The following FBXO11 variants were observed in gnomAD, a reference collection of about 807,000 sequenced individuals.
FBXO11 encodes F-box protein 11.
In FBXO11, 13 loss-of-function variants were observed where a neutral mutation model predicts 117.0. The observed-to-expected ratio is 0.11, with a 90% confidence interval of 0.07 to 0.18. The LOEUF is 0.18. FBXO11 is among the 10% of genes least tolerant of loss of function. The pLI, the probability that FBXO11 is intolerant of heterozygous loss-of-function variation, is 1.00. For synonymous variants in FBXO11, 490 were observed against 380.5 expected (o/e 1.29, Z -3.35); for missense variants, 767 against 1,164.4 (o/e 0.66, Z 4.97).
chr2:47,873,656 C>T (rs529734358), intron 1 of FBXO11, among the ~76,000 whole-genome samples: 3 of 152,336 alleles, frequency 2.0e-5, no homozygotes, highest in Admixed American at 6.5e-5. Context: ...TACCTGCCGG[C>T]TGTTTCAACT....
At chr2:47,839,081 T>C (rs1672819544) in intron 3 of FBXO11, 78 bp from the exon 4 acceptor site, 1 of 1,448,998 alleles carries the variant, frequency 6.9e-7, no homozygotes, top group African/African-American at 1.4e-5. Flanking sequence ...TTTCATTTTA[T>C]CTAATGAATA....
At chr2:47,861,102 G>A (rs1487687867) in intron 1 of FBXO11, among the ~76,000 whole-genome samples, 12 of 152,016 alleles carry the variant, frequency 7.9e-5, no homozygotes, top group Middle Eastern at 3.4e-3. Flanking sequence ...CACCCGCCAC[G>A]GCCTCCCAAA....
At chr2:47,876,106 G>C (rs985981138) in intron 1 of FBXO11, among the ~76,000 whole-genome samples, 1 of 152,190 alleles carries the variant, frequency 6.6e-6, no homozygotes, top group African/African-American at 2.4e-5. Context: ...AAATAAGCTA[G>C]TCTTTCATTC....
At chr2:47,839,387 T>C (rs751784844) in intron 3 of FBXO11, 32 bp downstream of exon 3, 2 of 1,569,584 alleles carry the variant, frequency 1.3e-6, no homozygotes, top group South Asian at 2.4e-5. Flanking sequence ...AAAATTATTT[T>C]ACCCTATTTG....
rs772726905 is a variant in FBXO11, at chr2:47,854,256, CT to C, written c.233-14488del. 4.5e-3 allele frequency among the ~76,000 whole-genome samples: 642 copies of C among 142,708 alleles called. 1 individual carries two copies. Among genetic ancestry groups the C allele is most frequent in the Admixed American group, 8.5e-3 (121 of 14,226 alleles). The allele number at this position is 142,708 out of a possible 152,430, so 93.6% of individuals were successfully genotyped here. ...TCTGTCACCCAGGCTGTCCCCAGGA[CT>C]TTTTTTTTTTTTTAAACCTACCTAT... On this transcript the variant is annotated intron_variant, in intron 1 of 22. Transcript: ENST00000403359.
At chr2:47,860,843 ATTTTTTTTT>A (rs34675496) in intron 1 of FBXO11, among the ~76,000 whole-genome samples, 1 of 104,240 alleles carries the variant, frequency 9.6e-6, no homozygotes, top group Admixed American at 1.0e-4. Context: ...GTTTTCCCCT[ATTTTTTTTT>A]TTTTTTTTTT....
intron 21 of FBXO11, 129 bp downstream of exon 21, chr2:47,809,029 G>A (rs1670430194): frequency 1.7e-6 from 1 of 591,576 alleles, no homozygotes; most frequent in African/African-American, 1.9e-5. Flanking sequence ...TCTTCAAGTA[G>A]ATTGATGATA....
At chr2:47,813,488 G>GT (rs1167191378) in intron 17 of FBXO11, 111 bp from the exon 18 acceptor site, 6 of 741,132 alleles carry the variant, frequency 8.1e-6, no homozygotes, top group Non-Finnish European at 1.2e-5. Flanking sequence ...GGAGTGTGCA[G>GT]TGGCGCGATC....
chr2:47,901,131 G>GTATATATATACACACGTGTGTACATA (rs1558488450), intron 1 of FBXO11, among the ~76,000 whole-genome samples: 1 of 105,650 alleles, frequency 9.5e-6, no homozygotes, highest in African/African-American at 3.3e-5. Context: ...GTGTGTACAT[G>GTATATATATACACACGTGTGTACATA]TATATATATA....
intron 1 of FBXO11, among the ~76,000 whole-genome samples, chr2:47,895,271 G>A (rs1430385849): frequency 6.6e-6 from 1 of 152,140 alleles, no homozygotes; most frequent in Non-Finnish European, 1.5e-5. Flanking sequence ...ACTGTAGAAT[G>A]GATAAACTGT....
chr2:47,807,311 C>A lies in FBXO11; in HGVS notation c.*807G>T. The A allele has an allele frequency of 4.6e-6, 1 of 215,322 alleles. No individual in the cohort carries two copies. The highest frequency in any genetic ancestry group is 2.3e-5 in the African/African-American group (1 of 44,350). 13.3% of individuals were successfully genotyped at this position (215,322 alleles called of 1,614,324 possible). ...TAAAACATAGTAGTTTTTTACCTTT[C>A]ACAAAACTGAGTTACAAGAATACTT... On this transcript the variant is annotated 3_prime_UTR_variant, in exon 23 of 23. Transcript: ENST00000403359.
In FBXO11 at chr2:47,835,928, T is replaced by C. The variant is rs201891349; in HGVS notation, c.661A>G (p.Ile221Val). ...GGATGTTCATACTCTTCTGGATTAA[T>C]CTGGTAGAATTTTCCAGGTTCAGGA... ...MHPEPGKFYQ[I>V]NPEEYEHPNP... The change falls in exon 5 of 23, where the codon ATT (isoleucine) becomes GTT (valine). Residue 221 changes from isoleucine to valine, a missense_variant. By Grantham distance (29) the Ile-to-Val change is conservative. Coordinates refer to ENST00000403359, the MANE Select transcript of FBXO11 (RefSeq NM_001190274.2). 3.0e-5 allele frequency: 49 copies of C among 1,611,902 alleles called. No individual in the cohort carries two copies. The highest frequency in any genetic ancestry group is 4.0e-5 in the Non-Finnish European group (47 of 1,178,270).
rs1234876291 is a variant in FBXO11 at position 47,887,407 on chromosome 2, G to C, written c.232+18082C>G. On this transcript the variant is annotated intron_variant, in intron 1 of 22. Transcript: ENST00000403359. ...AGCTACCTCTGGGAATGAAAGAACA[G>C]GGAAAACAAAATAACTGACTTTCCC... 2.6e-5 allele frequency among the ~76,000 whole-genome samples: 4 copies of C among 151,558 alleles called. No homozygotes were observed. In the East Asian group the frequency reaches 7.8e-4, roughly 29 times the overall value.
At chr2:47,904,581 AACACACACACACACACACACACAC>A (rs112758707) in intron 1 of FBXO11, among the ~76,000 whole-genome samples, 4 of 147,584 alleles carry the variant, frequency 2.7e-5, no homozygotes, top group Admixed American at 6.7e-5. Flanking sequence ...CGCGCGCGCA[AACACACACACACACACACACACAC>A]ACACACACAC....
chr2:47,890,379 A>G (rs1677168446), intron 1 of FBXO11, among the ~76,000 whole-genome samples: 1 of 152,216 alleles, frequency 6.6e-6, no homozygotes, highest in Non-Finnish European at 1.5e-5. Context: ...ATGTCTATAA[A>G]TTAATAAGCA....
intron 1 of FBXO11, among the ~76,000 whole-genome samples, chr2:47,859,041 C>CAA (rs11337552): frequency 5.8e-5 from 6 of 103,174 alleles, no homozygotes; most frequent in South Asian, 3.3e-4. Flanking sequence ...ACTCTGTCTC[C>CAA]AAAAAAAAAA....
chr2:47,873,531 G>A (rs974804678), intron 1 of FBXO11, among the ~76,000 whole-genome samples: 1 of 151,994 alleles, frequency 6.6e-6, no homozygotes, highest in African/African-American at 2.4e-5. Context: ...TACCTTCCCA[G>A]TGCTCCTGGG....
rs150934879 is a variant in FBXO11 at position 47,866,577 on chromosome 2, G to A, written c.233-26808C>T. Among the ~76,000 whole-genome samples the A allele has an allele frequency of 2.8e-3, 425 of 151,688 alleles. 1 individual carries two copies. Among genetic ancestry groups the A allele is most frequent in the African/African-American group, 9.7e-3 (400 of 41,314 alleles). ...CAAACTCCGCCTCTCGGGTTCAAGCGATTCTCCTGCCTCAGCCTCCCGAGT... is the reference window on the plus strand; with the variant it reads ...CAAACTCCGCCTCTCGGGTTCAAGCAATTCTCCTGCCTCAGCCTCCCGAGT... On this transcript the variant is annotated intron_variant, in intron 1 of 22. Coordinates refer to ENST00000403359, the MANE Select transcript of FBXO11 (RefSeq NM_001190274.2).
At chr2:47,814,741 G>A (rs536354501) in intron 16 of FBXO11, among the ~76,000 whole-genome samples, 10 of 152,180 alleles carry the variant, frequency 6.6e-5, no homozygotes, top group Admixed American at 2.0e-4. Flanking sequence ...TTCCTTTCAC[G>A]GAAGATTTCT....
Sources: allele counts gnomAD v4.1 joint callset (sites outside exome capture counted in the v4.1 genomes callset), GRCh38; gene constraint gnomAD v4.1.1; transcripts MANE v1.5; gene names NCBI Gene and HGNC (gene_info 2026-07-23, HGNC 2026-07-21).